EYS: variants seen among roughly 807,000 people sequenced by gnomAD.
EYS encodes the protein EGF-like photoreceptor maintenance factor, also known as protein eyes shut homolog.
Under a neutral mutation model 282.1 loss-of-function variants are expected in EYS, and 250 were observed. The ratio of observed to expected loss-of-function variants is 0.89; its 90% CI spans 0.80 to 0.98. The LOEUF is 0.98. EYS is among the 50% of genes least tolerant of loss of function. The pLI is 0.00. For synonymous variants in EYS, 1,355 were observed against 1,282.9 expected (o/e 1.06, Z -1.20); for missense variants, 4,016 against 3,709.0 (o/e 1.08, Z -2.15).
At chr6:65,085,291 A>C (rs1296789568) in intron 12 of EYS, among the ~76,000 whole-genome samples, 1 of 152,170 alleles carries the variant, frequency 6.6e-6, no homozygotes. Context: ...CATATCTCAC[A>C]GCATTTGTGA....
rs1207119435 is a variant in EYS, at chr6:64,354,860, GTTAT to G, written c.6078+33826_6078+33829del. 3.3e-5 allele frequency among the ~76,000 whole-genome samples: 5 copies of G among 151,454 alleles called. No individual in the cohort carries two copies. The East Asian group carries it at 9.8e-4, about 30-fold the overall frequency. ...TATTACATAGTTATCAAATCCTTTG[GTTAT>G]TTATTTAATACATCAGGGAAGGAAA... On this transcript the variant is annotated intron_variant, in intron 29 of 42. Coordinates refer to ENST00000503581, the MANE Select transcript of EYS (RefSeq NM_001142800.2).
intron 29 of EYS, among the ~76,000 whole-genome samples, chr6:64,321,742 T>C (rs1007150522): frequency 7.2e-5 from 11 of 151,920 alleles, no homozygotes; most frequent in Non-Finnish European, 1.3e-4. Context: ...ATGTAGTGTT[T>C]CTGATGTTTA....
chr6:65,265,843 C>A (rs958043490), intron 12 of EYS, among the ~76,000 whole-genome samples: 1 of 151,812 alleles, frequency 6.6e-6, no homozygotes, highest in Non-Finnish European at 1.5e-5. Flanking sequence ...ACCTAGGATT[C>A]TATTTTCTAA....
chr6:63,950,816 C>A (rs946559677), intron 35 of EYS, among the ~76,000 whole-genome samples: 4 of 152,120 alleles, frequency 2.6e-5, no homozygotes, highest in Non-Finnish European at 5.9e-5. Flanking sequence ...TTGGTGCCAC[C>A]CTTCAATCTC....
At chr6:64,388,188 C>A (rs74193592) in intron 29 of EYS, among the ~76,000 whole-genome samples, 42,179 of 151,912 alleles carry the variant, frequency 0.28, 5,967 homozygotes, top group East Asian at 0.46. Flanking sequence ...ATAATGAAGA[C>A]AATAAGCTAA....
At chr6:65,159,833 C>A (rs1246560399) in intron 12 of EYS, among the ~76,000 whole-genome samples, 1 of 150,846 alleles carries the variant, frequency 6.6e-6, no homozygotes, top group Non-Finnish European at 1.5e-5. Context: ...ACTCCACTAT[C>A]ATGAAATTTG....
chr6:65,536,627 T>C (rs923784462), intron 2 of EYS, among the ~76,000 whole-genome samples: 1 of 152,096 alleles, frequency 6.6e-6, no homozygotes, highest in Non-Finnish European at 1.5e-5. Flanking sequence ...AAAAATGTGA[T>C]AGTAATATTT....
intron 34 of EYS, among the ~76,000 whole-genome samples, chr6:63,990,396 T>A (rs185913336): frequency 4.0e-5 from 6 of 151,722 alleles, no homozygotes; most frequent in Admixed American, 1.3e-4. Flanking sequence ...TCATTATAGG[T>A]CCACTCCCCA....
chr6:63,722,722 C>G (rs932325457), intron 42 of EYS, among the ~76,000 whole-genome samples: 10 of 152,322 alleles, frequency 6.6e-5, no homozygotes, highest in Admixed American at 6.5e-4. Context: ...TTATGCTACA[C>G]TACTTCTTCC....
At chr6:64,732,712 A>T (rs538823745) in intron 22 of EYS, among the ~76,000 whole-genome samples, 1 of 150,796 alleles carries the variant, frequency 6.6e-6, no homozygotes, top group African/African-American at 2.4e-5. Context: ...CAGATACCTC[A>T]GGGATCAGGC....
chr6:65,253,933 A>G (rs1328411809), intron 12 of EYS, among the ~76,000 whole-genome samples: 2 of 151,786 alleles, frequency 1.3e-5, no homozygotes, highest in Non-Finnish European at 2.9e-5. Flanking sequence ...CTCAATTCTT[A>G]GTAAAGCTTA....
chr6:64,686,783 ATATATG>A (rs1348850373), intron 22 of EYS, among the ~76,000 whole-genome samples: 3,780 of 19,752 alleles, frequency 0.19, 772 homozygotes, highest in African/African-American at 0.26. Context: ...ATATATATAT[ATATATG>A]TGTGTATATA....
chr6:63,853,424 A>C (rs1772310672), intron 36 of EYS, among the ~76,000 whole-genome samples: 1 of 152,198 alleles, frequency 6.6e-6, no homozygotes. Context: ...TATAACTGAC[A>C]AAGGATGAGA....
At chr6:64,224,859 G>C (rs890293710) in intron 31 of EYS, among the ~76,000 whole-genome samples, 1 of 151,864 alleles carries the variant, frequency 6.6e-6, no homozygotes, top group Non-Finnish European at 1.5e-5. Context: ...TTGAAATAAA[G>C]AAGAGGCCTG....
At chr6:65,340,531 A>G (rs1158399682) in intron 10 of EYS, among the ~76,000 whole-genome samples, 2 of 151,094 alleles carry the variant, frequency 1.3e-5, no homozygotes, top group Non-Finnish European at 3.0e-5. Flanking sequence ...TGAACCAACT[A>G]AAATAAGTTA....
intron 22 of EYS, among the ~76,000 whole-genome samples, chr6:64,656,419 C>T (rs933690357): frequency 2.6e-5 from 4 of 152,050 alleles, no homozygotes; most frequent in African/African-American, 7.2e-5. Context: ...TATGGTAGGT[C>T]TTGAGAACTT....
At chr6:65,452,093 T>A (rs1367052033) in intron 5 of EYS, among the ~76,000 whole-genome samples, 9 of 151,744 alleles carry the variant, frequency 5.9e-5, no homozygotes, top group African/African-American at 2.2e-4. Context: ...TTAGTTAATA[T>A]ATGTCATACA....
chr6:64,558,746 G>A (rs982103676), intron 26 of EYS, among the ~76,000 whole-genome samples: 1 of 152,116 alleles, frequency 6.6e-6, no homozygotes, highest in Non-Finnish European at 1.5e-5. Flanking sequence ...TTTTTAGGAA[G>A]TTCCTAAAAA....
intron 6 of EYS, 98 bp from the exon 7 acceptor site, chr6:65,402,703 G>T: frequency 1.3e-6 from 1 of 790,816 alleles, no homozygotes; most frequent in Non-Finnish European, 2.1e-6. Flanking sequence ...TTATTTTCAT[G>T]AACTTGGAGT....
Sources: allele counts gnomAD v4.1 joint callset (sites outside exome capture counted in the v4.1 genomes callset), GRCh38; gene constraint gnomAD v4.1.1; transcripts MANE v1.5; gene names NCBI Gene and HGNC (gene_info 2026-07-23, HGNC 2026-07-21).